HNF4G: variants seen among roughly 807,000 people sequenced by gnomAD.
HNF4G encodes hepatocyte nuclear factor 4-gamma.
A neutral mutation model predicts 50.9 loss-of-function variants in HNF4G; 21 were observed. That is an observed-to-expected ratio of 0.41 (90% CI 0.29 to 0.59). The LOEUF is 0.59. HNF4G is among the 20% of genes least tolerant of loss of function. The pLI, the probability that HNF4G is intolerant of heterozygous loss-of-function variation, is 0.26. For missense variants in HNF4G, 527 were observed against 559.4 expected (o/e 0.94, Z 0.58); for synonymous variants, 198 against 185.6 (o/e 1.07, Z -0.54).
At chr8:75,562,631 T>A (rs1336572878) in intron 9 of HNF4G, among the ~76,000 whole-genome samples, 2 of 152,182 alleles carry the variant, frequency 1.3e-5, no homozygotes, top group African/African-American at 4.8e-5. Flanking sequence ...CTGCTGGTGG[T>A]TGAATACTTT....
intron 2 of HNF4G, among the ~76,000 whole-genome samples, chr8:75,498,714 A>G (rs549062073): frequency 1.6e-4 from 25 of 152,232 alleles, no homozygotes; most frequent in Admixed American, 3.9e-4. Flanking sequence ...TATCATAATC[A>G]AGTGGGCTTT....
chr8:75,494,310 A>G (rs1325071277), intron 2 of HNF4G, among the ~76,000 whole-genome samples: 4 of 89,786 alleles, frequency 4.5e-5, no homozygotes, highest in Non-Finnish European at 8.4e-5. Context: ...GCACACACAC[A>G]CACACACACA....
intron 1 of HNF4G, among the ~76,000 whole-genome samples, chr8:75,408,822 A>G (rs1163873081): frequency 1.3e-5 from 2 of 152,262 alleles, no homozygotes; most frequent in Non-Finnish European, 2.9e-5. Context: ...GAGAATACAG[A>G]ATCCAGAAGC....
intron 2 of HNF4G, among the ~76,000 whole-genome samples, chr8:75,491,682 G>A (rs901305754): frequency 1.3e-5 from 2 of 152,066 alleles, no homozygotes; most frequent in Non-Finnish European, 2.9e-5. Flanking sequence ...CTTCATGTTG[G>A]CCAGGCTGGT....
At chr8:75,515,622 A>G (rs1057466990) in intron 2 of HNF4G, among the ~76,000 whole-genome samples, 1 of 152,110 alleles carries the variant, frequency 6.6e-6, no homozygotes, top group Non-Finnish European at 1.5e-5. Context: ...AAGGGCCAAA[A>G]CCTGGAGCAC....
chr8:75,531,328 C>T (rs894290220), intron 2 of HNF4G, among the ~76,000 whole-genome samples: 10 of 152,126 alleles, frequency 6.6e-5, no homozygotes, highest in Non-Finnish European at 1.3e-4. Flanking sequence ...TTAAAAGATG[C>T]ATTCCTAGAC....
chr8:75,543,092 A>G (rs1432542655), intron 1 of HNF4G, among the ~76,000 whole-genome samples: 1 of 152,116 alleles, frequency 6.6e-6, no homozygotes, highest in Non-Finnish European at 1.5e-5. Context: ...CTGTAATCTC[A>G]GCTACTCAGG....
At chr8:75,490,637 T>C (rs751466720) in intron 2 of HNF4G, among the ~76,000 whole-genome samples, 3 of 152,192 alleles carry the variant, frequency 2.0e-5, no homozygotes, top group Admixed American at 6.5e-5. Flanking sequence ...TTTGCACTTA[T>C]GTGGTAGAGT....
At chr8:75,428,181 GCAT>G (rs1206265693) in intron 1 of HNF4G, among the ~76,000 whole-genome samples, 3 of 152,120 alleles carry the variant, frequency 2.0e-5, no homozygotes, top group African/African-American at 7.2e-5. Flanking sequence ...GGTTAATGCT[GCAT>G]CATTTAAATC....
At chr8:75,557,896 T>C (rs1807179874) in intron 6 of HNF4G, among the ~76,000 whole-genome samples, 1 of 152,192 alleles carries the variant, frequency 6.6e-6, no homozygotes, top group Admixed American at 6.5e-5. Context: ...CTTTAGGGAA[T>C]AGGTGGTCCA....
At chr8:75,499,838 T>C (rs1812876168) in intron 2 of HNF4G, among the ~76,000 whole-genome samples, 1 of 151,910 alleles carries the variant, frequency 6.6e-6, no homozygotes. Flanking sequence ...GAAATTTACA[T>C]GCCAAAAAAT....
chr8:75,561,220 C>T (rs1047970240), intron 9 of HNF4G, among the ~76,000 whole-genome samples: 5 of 152,134 alleles, frequency 3.3e-5, no homozygotes, highest in Admixed American at 6.6e-5. Flanking sequence ...CACCTTCTCC[C>T]CTTTCGACAC....
In HNF4G at chr8:75,484,391, G is replaced by C. The variant is rs567687090; in HGVS notation, c.-143-5698G>C. 3.5e-5 allele frequency among the ~76,000 whole-genome samples: 5 copies of C among 140,992 alleles called. No individual in the cohort carries two copies. In the East Asian group the frequency reaches 8.4e-4, roughly 24 times the overall value. 92.5% of individuals were successfully genotyped at this position (140,992 alleles called of 152,430 possible). A position where few individuals can be genotyped will look rare whatever the true frequency, so the allele number is the denominator to read the frequency against. ...ATGTATAGTCCTTCTGATTGCAATT[G>C]TGGAAACAACCTTTGAGTTCTGAGC... On this transcript the variant is annotated intron_variant, in intron 1 of 10. Transcript: ENST00000354370.
chr8:75,434,164 C>T (rs754191319), intron 1 of HNF4G, among the ~76,000 whole-genome samples: 9 of 151,740 alleles, frequency 5.9e-5, no homozygotes, highest in East Asian at 1.9e-4. Context: ...CCACCCCACC[C>T]GGCTAATTTT....
intron 1 of HNF4G, among the ~76,000 whole-genome samples, chr8:75,440,482 A>G (rs1811252416): frequency 6.6e-6 from 1 of 152,242 alleles, no homozygotes; most frequent in Non-Finnish European, 1.5e-5. Context: ...TTATGTTTAA[A>G]TAGGAATATG....
At chr8:75,557,742 C>T (rs1367915765) in intron 6 of HNF4G, among the ~76,000 whole-genome samples, 1 of 152,138 alleles carries the variant, frequency 6.6e-6, no homozygotes, top group Non-Finnish European at 1.5e-5. Context: ...TGCTGTTACC[C>T]TGAGGATTGT....
intron 2 of HNF4G, among the ~76,000 whole-genome samples, chr8:75,496,233 C>T (rs907997884): frequency 6.6e-6 from 1 of 152,064 alleles, no homozygotes; most frequent in Non-Finnish European, 1.5e-5. Flanking sequence ...AAATGTACTT[C>T]TTAAAGATAA....
chr8:75,554,437 CA>C (rs1198848195), intron 5 of HNF4G, among the ~76,000 whole-genome samples: 5 of 152,146 alleles, frequency 3.3e-5, no homozygotes, highest in African/African-American at 1.2e-4. Flanking sequence ...TAATTAGCCA[CA>C]AATTAGTAAA....
chr8:75,493,894 A>C (rs1359974974), intron 2 of HNF4G, among the ~76,000 whole-genome samples: 1 of 152,198 alleles, frequency 6.6e-6, no homozygotes. Flanking sequence ...CATTTTCTTT[A>C]ATTTTCTCTG....
Sources: allele counts gnomAD v4.1 joint callset (sites outside exome capture counted in the v4.1 genomes callset), GRCh38; gene constraint gnomAD v4.1.1; transcripts MANE v1.5; gene names NCBI Gene and HGNC (gene_info 2026-07-23, HGNC 2026-07-21).